Variants in LOC128125822 observed in about 807,000 individuals in gnomAD.
the LOC128125822 span, chr6:63,577,089 C>G: frequency 1.2e-6 from 1 of 803,566 alleles, no homozygotes; most frequent in Non-Finnish European, 2.0e-6. Flanking sequence ...GATGATATAC[C>G]TACAATTCCA....
the LOC128125822 span, chr6:63,578,750 A>G: frequency 9.0e-7 from 1 of 1,110,860 alleles, no homozygotes; most frequent in Non-Finnish European, 1.2e-6. Flanking sequence ...GCATTTAGTC[A>G]CATTTGGTAG....
At chr6:63,579,665 A>G in the LOC128125822 span, among the ~76,000 whole-genome samples, 2 of 152,248 alleles carry the variant, frequency 1.3e-5, no homozygotes, top group Non-Finnish European at 2.9e-5. Context: ...GTTGACAATA[A>G]CAGCCAAATT....
the LOC128125822 span, chr6:63,578,431 A>G: frequency 6.2e-6 from 10 of 1,600,310 alleles, no homozygotes; most frequent in Non-Finnish European, 7.6e-6. Flanking sequence ...TGTACGTTTT[A>G]TCCAGGAACT....
the LOC128125822 span, among the ~76,000 whole-genome samples, chr6:63,577,476 G>A: frequency 6.6e-6 from 1 of 152,134 alleles, no homozygotes; most frequent in Non-Finnish European, 1.5e-5. Flanking sequence ...TAATATATCG[G>A]GATGTGCACA....
At chr6:63,580,384 G>C in the LOC128125822 span, 1 of 492,376 alleles carries the variant, frequency 2.0e-6, no homozygotes, top group African/African-American at 1.9e-5. Flanking sequence ...AAAGATTCTT[G>C]CTGTCAGCAT....
chr6:63,578,395 G>A, the LOC128125822 span: 1 of 1,576,380 alleles, frequency 6.3e-7, no homozygotes. Context: ...TTATAGTGAT[G>A]TGGTTAAACA....
the LOC128125822 span, among the ~76,000 whole-genome samples, chr6:63,577,325 A>C: frequency 1.3e-5 from 2 of 152,170 alleles, no homozygotes; most frequent in Non-Finnish European, 2.9e-5. Context: ...CTAATGCCAT[A>C]AACCAGTTGG....
chr6:63,579,922 C>T, the LOC128125822 span: 1 of 666,810 alleles, frequency 1.5e-6, no homozygotes, highest in Non-Finnish European at 2.6e-6. Flanking sequence ...GTTCATATTC[C>T]TTTCTGCATC....
chr6:63,572,537 T>C, the LOC128125822 span: 2 of 395,260 alleles, frequency 5.1e-6, no homozygotes, highest in East Asian at 3.6e-5. Context: ...CGCGCTCTGC[T>C]CCGAGCCGCT....
the LOC128125822 span, among the ~76,000 whole-genome samples, chr6:63,574,589 AG>A: frequency 6.6e-6 from 1 of 152,222 alleles, no homozygotes; most frequent in Non-Finnish European, 1.5e-5. Flanking sequence ...ACTTACATGA[AG>A]GGATATGGCC....
the LOC128125822 span, chr6:63,580,974 CT>C: frequency 6.6e-6 from 1 of 152,236 alleles, no homozygotes; most frequent in South Asian, 2.1e-4. Flanking sequence ...AAAATGTTGC[CT>C]TTGTCTTGTG....
the LOC128125822 span, chr6:63,576,688 T>TA: frequency 3.3e-6 from 2 of 602,526 alleles, no homozygotes; most frequent in Non-Finnish European, 2.9e-6. Flanking sequence ...GCCTCAGTAT[T>TA]ACTGGATTGA....
chr6:63,583,511 A>G, the LOC128125822 span: 4 of 152,234 alleles, frequency 2.6e-5, no homozygotes, highest in African/African-American at 7.2e-5. Context: ...TTAACGTATG[A>G]ATGAAAGGAT....
At chr6:63,572,979 C>G in the LOC128125822 span, among the ~76,000 whole-genome samples, 2 of 152,126 alleles carry the variant, frequency 1.3e-5, no homozygotes, top group South Asian at 2.1e-4. Flanking sequence ...GAGTCCCTCC[C>G]GAGCCCGGAG....
chr6:63,583,239 TAA>T, the LOC128125822 span: 1 of 152,210 alleles, frequency 6.6e-6, no homozygotes, highest in Non-Finnish European at 1.5e-5. Context: ...ATTTCAAAGT[TAA>T]GTTTTAAACA....
chr6:63,580,192 C>T, the LOC128125822 span: 3 of 1,556,980 alleles, frequency 1.9e-6, no homozygotes, highest in Non-Finnish European at 2.7e-6. Flanking sequence ...GTGCCTAATG[C>T]TACTGGAAGT....
chr6:63,580,143 A>G, the LOC128125822 span: 13 of 1,612,990 alleles, frequency 8.1e-6, no homozygotes, highest in African/African-American at 1.3e-5. Context: ...AAAGATTCCA[A>G]CGGTCATAGA....
the LOC128125822 span, chr6:63,581,835 A>G: frequency 6.6e-6 from 1 of 152,180 alleles, no homozygotes; most frequent in African/African-American, 2.4e-5. Flanking sequence ...AGATTTTGAA[A>G]TTAATTTAAA....
the LOC128125822 span, chr6:63,576,953 C>A: frequency 6.2e-7 from 1 of 1,613,916 alleles, no homozygotes; most frequent in Non-Finnish European, 8.5e-7. Context: ...TACACACAAT[C>A]CAACCAATGC....
Sources: allele counts gnomAD v4.1 joint callset (sites outside exome capture counted in the v4.1 genomes callset), GRCh38; gene constraint gnomAD v4.1.1; transcripts MANE v1.5.